GNB1L: variants seen among roughly 807,000 people sequenced by gnomAD.
GNB1L encodes the protein G protein subunit beta 1 like, also known as guanine nucleotide-binding protein subunit beta-like protein 1.
GNB1L carries 20 observed loss-of-function variants against 29.1 expected under a neutral mutation model. The ratio of observed to expected loss-of-function variants is 0.69; its 90% CI spans 0.48 to 1.00. GNB1L has a LOEUF of 1.00. Ranked by LOEUF, GNB1L falls within the 50% of genes least tolerant of loss-of-function variation. The pLI is 0.00. For synonymous variants in GNB1L, 193 were observed against 206.5 expected, an observed-to-expected ratio of 0.93 and a Z score of 0.56; for missense variants, 421 against 464.9, an observed-to-expected ratio of 0.91 and a Z score of 0.87.
chr22:19,814,578 C>T (rs943192974), intron 4 of GNB1L, among the ~76,000 whole-genome samples: 2 of 152,286 alleles, frequency 1.3e-5, no homozygotes, highest in Non-Finnish European at 2.9e-5. Flanking sequence ...GGGTTGTCCC[C>T]GGCAAGCCAT....
intron 2 of GNB1L, chr22:19,847,650 C>G (rs1937991430): frequency 1.0e-6 from 1 of 985,036 alleles, no homozygotes; most frequent in Non-Finnish European, 1.2e-6. Flanking sequence ...AGCCTTCATG[C>G]ACCTAGCAAG....
chr22:19,843,399 G>T (rs1341168960), intron 2 of GNB1L, among the ~76,000 whole-genome samples: 1 of 152,242 alleles, frequency 6.6e-6, no homozygotes, highest in Non-Finnish European at 1.5e-5. Flanking sequence ...TTCCGGTGAG[G>T]CAGGGAGGCA....
chr22:19,821,790 T>C (rs1321884938), intron 2 of GNB1L, among the ~76,000 whole-genome samples: 1 of 152,170 alleles, frequency 6.6e-6, no homozygotes, highest in Non-Finnish European at 1.5e-5. Flanking sequence ...TGTCCACCAC[T>C]GGCTGTGCCC....
intron 4 of GNB1L, among the ~76,000 whole-genome samples, chr22:19,813,675 A>G (rs1400614346): frequency 6.6e-6 from 1 of 152,112 alleles, no homozygotes; most frequent in Non-Finnish European, 1.5e-5. Context: ...GTGACAAAGC[A>G]AGACTCTGTC....
chr22:19,805,927 A>T (rs945145129), intron 6 of GNB1L, among the ~76,000 whole-genome samples: 1 of 152,206 alleles, frequency 6.6e-6, no homozygotes, highest in Non-Finnish European at 1.5e-5. Context: ...GCACGGGATC[A>T]CTTGCTCTGC....
chr22:19,789,312 G>A (rs917424211), intron 7 of GNB1L, among the ~76,000 whole-genome samples: 2 of 152,238 alleles, frequency 1.3e-5, no homozygotes, highest in Non-Finnish European at 2.9e-5. Flanking sequence ...AGTGCCTAGC[G>A]AGAGGCCACG....
At chr22:19,851,534 ACAG>A in intron 2 of GNB1L, 1 of 1,613,780 alleles carries the variant, frequency 6.2e-7, no homozygotes, top group African/African-American at 1.3e-5. Context: ...GGACCCAGAC[ACAG>A]CAGGGGTGGC....
At chr22:19,792,594 A>G in intron 7 of GNB1L, 1 of 1,597,628 alleles carries the variant, frequency 6.3e-7, no homozygotes, top group Non-Finnish European at 8.5e-7. Context: ...GCTGGCCCAC[A>G]AGTACAGACC....
rs182536016 is a variant in GNB1L at position 19,847,464 on chromosome 22, G to T, written c.-21+6979C>A. ...AGACCCCAGCCAAGGCACTGCATGG[G>T]CATCATTCTCATTCAACCCTTCTAA... On this transcript the variant is annotated intron_variant, in intron 2 of 7. Coordinates refer to ENST00000329517, the MANE Select transcript of GNB1L (RefSeq NM_053004.3). The T allele has an allele frequency of 4.5e-4, 447 of 985,436 alleles. 3 individuals are homozygous for T. In the Admixed American group the frequency reaches 0.023, roughly 50 times the overall value. 61.0% of individuals were successfully genotyped at this position (985,436 alleles called of 1,614,324 possible).
chr22:19,812,487 A>T, intron 4 of GNB1L, 40 bp from the exon 5 acceptor site: 1 of 1,576,238 alleles, frequency 6.3e-7, no homozygotes. Flanking sequence ...ACTCCCCTTG[A>T]CAAGTGTCAG....
At chr22:19,827,622 A>C (rs1415617278) in intron 2 of GNB1L, among the ~76,000 whole-genome samples, 1 of 152,258 alleles carries the variant, frequency 6.6e-6, no homozygotes, top group Admixed American at 6.5e-5. Flanking sequence ...AATCCTGGGA[A>C]TGCCTGTCAA....
intron 2 of GNB1L, among the ~76,000 whole-genome samples, chr22:19,840,870 T>G (rs1387629967): frequency 2.0e-5 from 3 of 151,924 alleles, no homozygotes; most frequent in Admixed American, 2.0e-4. Flanking sequence ...TCAACCTTTG[T>G]GCTTTTCTTC....
chr22:19,801,033 C>A (rs565635682), intron 7 of GNB1L, among the ~76,000 whole-genome samples: 1 of 152,304 alleles, frequency 6.6e-6, no homozygotes, highest in South Asian at 2.1e-4. Flanking sequence ...CTCTCTGTGG[C>A]CTCCTGTCGT....
intron 2 of GNB1L, chr22:19,851,244 CCTCCTGGTCTCCCTCTGT>C: frequency 6.2e-7 from 1 of 1,605,152 alleles, no homozygotes; most frequent in Non-Finnish European, 8.5e-7. Flanking sequence ...CCTAAGGACA[CCTCCTGGTCTCCCTCTGT>C]CTCCAAAACC....
At chr22:19,824,318 C>T (rs1375876317) in intron 2 of GNB1L, among the ~76,000 whole-genome samples, 1 of 152,190 alleles carries the variant, frequency 6.6e-6, no homozygotes, top group Non-Finnish European at 1.5e-5. Context: ...CTTGCCTGGC[C>T]CCAGGCTGTG....
chr22:19,827,295 T>C (rs1937627112), intron 2 of GNB1L, among the ~76,000 whole-genome samples: 1 of 152,220 alleles, frequency 6.6e-6, no homozygotes, highest in African/African-American at 2.4e-5. Context: ...TACCTATCTA[T>C]GTATGAATAT....
intron 2 of GNB1L, chr22:19,851,210 G>A (rs1192631333): frequency 1.3e-6 from 2 of 1,595,490 alleles, no homozygotes; most frequent in East Asian, 2.3e-5. Flanking sequence ...GGTCTCCGGG[G>A]CCTCCACCAC....
intron 6 of GNB1L, among the ~76,000 whole-genome samples, chr22:19,802,860 G>A (rs1212901052): frequency 6.6e-6 from 1 of 152,242 alleles, no homozygotes; most frequent in African/African-American, 2.4e-5. Flanking sequence ...TCCAAGCCCT[G>A]GGCAGACACC....
Position 19,816,105 on chromosome 22 carries a change from C to T in GNB1L, c.255-3658G>A, listed in dbSNP as rs887123326. On this transcript the variant is annotated intron_variant, in intron 4 of 7. Coordinates refer to ENST00000329517, the MANE Select transcript of GNB1L (RefSeq NM_053004.3). The surrounding 1 kb of genome is among the most constrained non-coding windows in gnomAD (Gnocchi z 4.4). ...GCGTCGTGGCCTGTGTGGGGCCTCGCGGGGCCCCGGCTGCCTCTGCCCCCT... is the reference window on the plus strand; with the variant it reads ...GCGTCGTGGCCTGTGTGGGGCCTCGTGGGGCCCCGGCTGCCTCTGCCCCCT... Among the ~76,000 whole-genome samples, 5 of 152,128 alleles carry T rather than the reference C, an allele frequency of 3.3e-5. No homozygotes were observed. Among genetic ancestry groups the T allele is most frequent in the African/African-American group, 4.8e-5 (2 of 41,436 alleles).
Sources: allele counts gnomAD v4.1 joint callset (sites outside exome capture counted in the v4.1 genomes callset), GRCh38; gene constraint gnomAD v4.1.1; non-coding constraint Gnocchi (gnomAD v3.1); transcripts MANE v1.5; gene names NCBI Gene and HGNC (gene_info 2026-07-23, HGNC 2026-07-21).